Variants in PHLPP1 observed in about 807,000 individuals in gnomAD.
PHLPP1 encodes PH domain and leucine rich repeat protein phosphatase 1.
In PHLPP1, 42 loss-of-function variants were observed where a neutral mutation model predicts 117.2. The observed-to-expected ratio is 0.36, with a 90% CI of 0.28 to 0.46. The LOEUF (loss-of-function observed/expected upper bound fraction) is 0.46. Ranked by LOEUF, PHLPP1 falls within the 20% of genes least tolerant of loss-of-function variation. The probability of loss-of-function intolerance (pLI) is 1.00; values close to 1 mark genes in which losing one functional copy is unlikely to be tolerated. For missense variants in PHLPP1, 2,084 were observed against 2,241.9 expected, an observed-to-expected ratio of 0.93 and a Z score of 1.42; for synonymous variants, 1,042 against 970.7, an observed-to-expected ratio of 1.07 and a Z score of -1.37.
intron 11 of PHLPP1, among the ~76,000 whole-genome samples, chr18:62,944,065 GT>G (rs34974836): frequency 3.3e-5 from 5 of 151,294 alleles, no homozygotes; most frequent in African/African-American, 9.7e-5. Flanking sequence ...TAATACAGTG[GT>G]TTTTTTTTGT....
chr18:62,945,062 G>A (rs746755781), intron 11 of PHLPP1, 47 bp from the exon 12 acceptor site: 66 of 1,341,832 alleles, frequency 4.9e-5, no homozygotes, highest in South Asian at 3.6e-4. Context: ...TTTGATTCTC[G>A]TCCTATATTA....
At chr18:62,867,957 G>C (rs558051838) in intron 4 of PHLPP1, among the ~76,000 whole-genome samples, 4 of 151,950 alleles carry the variant, frequency 2.6e-5, no homozygotes, top group Admixed American at 6.6e-5. Flanking sequence ...GATTACAGGC[G>C]CCCACCACCA....
chr18:62,760,874 A>G (rs768187600), intron 1 of PHLPP1, among the ~76,000 whole-genome samples: 5 of 151,838 alleles, frequency 3.3e-5, no homozygotes, highest in Non-Finnish European at 5.9e-5. Context: ...GTTTTGTTTT[A>G]TTTTATTTTG....
At chr18:62,963,099 T>C (rs1910812205) in intron 13 of PHLPP1, among the ~76,000 whole-genome samples, 1 of 152,212 alleles carries the variant, frequency 6.6e-6, no homozygotes, top group Non-Finnish European at 1.5e-5. Flanking sequence ...AGAGCAGTCA[T>C]CTAAAGTGGA....
At chr18:62,905,562 T>A (rs1318797113) in intron 8 of PHLPP1, among the ~76,000 whole-genome samples, 1 of 152,186 alleles carries the variant, frequency 6.6e-6, no homozygotes, top group Non-Finnish European at 1.5e-5. Context: ...CTCTAATAAC[T>A]CTTTTCATTA....
intron 1 of PHLPP1, among the ~76,000 whole-genome samples, chr18:62,738,479 G>A (rs555801168): frequency 3.9e-5 from 6 of 152,304 alleles, no homozygotes; most frequent in Admixed American, 3.9e-4. Context: ...AAGTAATCTA[G>A]AGATAATTTA....
intron 4 of PHLPP1, among the ~76,000 whole-genome samples, chr18:62,880,314 T>G (rs1478200059): frequency 6.6e-6 from 1 of 152,218 alleles, no homozygotes; most frequent in Non-Finnish European, 1.5e-5. Context: ...TCTCACTGAC[T>G]TTTGCTTATG....
At chr18:62,836,832 C>T (rs947558152) in intron 2 of PHLPP1, among the ~76,000 whole-genome samples, 1 of 151,842 alleles carries the variant, frequency 6.6e-6, no homozygotes, top group Non-Finnish European at 1.5e-5. Context: ...GAGGCCAAGG[C>T]TGTAATCCCA....
At chr18:62,873,137 A>G (rs1321233468) in intron 4 of PHLPP1, among the ~76,000 whole-genome samples, 1 of 152,146 alleles carries the variant, frequency 6.6e-6, no homozygotes, top group Non-Finnish European at 1.5e-5. Flanking sequence ...AAGGGATGAT[A>G]GAGAGTTCTT....
At chr18:62,771,288 A>G (rs1912766791) in intron 1 of PHLPP1, among the ~76,000 whole-genome samples, 1 of 152,036 alleles carries the variant, frequency 6.6e-6, no homozygotes, top group Admixed American at 6.6e-5. Flanking sequence ...GTGGTTTGGC[A>G]TCACCATTGT....
At chr18:62,881,090 A>G (rs988218865) in intron 4 of PHLPP1, among the ~76,000 whole-genome samples, 2 of 152,184 alleles carry the variant, frequency 1.3e-5, no homozygotes, top group Admixed American at 6.5e-5. Flanking sequence ...AAGAGGAATT[A>G]AGATGAGTTT....
intron 1 of PHLPP1, among the ~76,000 whole-genome samples, chr18:62,765,955 G>T (rs893352145): frequency 4.0e-5 from 6 of 148,920 alleles, no homozygotes; most frequent in Admixed American, 3.3e-4. Context: ...CCGAGATTGC[G>T]CCACTGCACT....
chr18:62,795,296 G>A (rs1431691231), intron 1 of PHLPP1, among the ~76,000 whole-genome samples: 3 of 151,804 alleles, frequency 2.0e-5, no homozygotes, highest in East Asian at 1.9e-4. Flanking sequence ...TTGGCAACAC[G>A]GTGAAACCTC....
chr18:62,850,594 A>G (rs687821), intron 3 of PHLPP1, among the ~76,000 whole-genome samples: 64,902 of 151,972 alleles, frequency 0.43, 14,053 homozygotes, highest in African/African-American at 0.47. Context: ...GATTGTTTAT[A>G]CATATTTTGC....
At chr18:62,871,330 G>A (rs952498306) in intron 4 of PHLPP1, among the ~76,000 whole-genome samples, 1 of 151,796 alleles carries the variant, frequency 6.6e-6, no homozygotes, top group African/African-American at 2.4e-5. Context: ...TTTTGTTTTT[G>A]TTTTTGTTTT....
At chr18:62,900,433 CT>C (rs774225759) in intron 6 of PHLPP1, among the ~76,000 whole-genome samples, 15,243 of 54,108 alleles carry the variant, frequency 0.28, 4,658 homozygotes, top group Admixed American at 0.32. Flanking sequence ...CTTTTTCTTT[CT>C]TTTTTTTTTT....
chr18:62,843,259 G>C (rs960585271), intron 3 of PHLPP1, among the ~76,000 whole-genome samples: 2 of 152,096 alleles, frequency 1.3e-5, no homozygotes, highest in Non-Finnish European at 2.9e-5. Context: ...AGGAACAAAA[G>C]TTTCTGATTA....
intron 1 of PHLPP1, among the ~76,000 whole-genome samples, chr18:62,800,794 G>C (rs541638057): frequency 6.6e-6 from 1 of 151,912 alleles, no homozygotes; most frequent in East Asian, 1.9e-4. Context: ...TGGCTTCTCC[G>C]GCTACCTGCA....
intron 4 of PHLPP1, among the ~76,000 whole-genome samples, chr18:62,861,981 GA>G (rs1259180349): frequency 6.6e-6 from 1 of 152,136 alleles, no homozygotes; most frequent in Non-Finnish European, 1.5e-5. Context: ...TGGTCATTTG[GA>G]GAGTACTACT....
Sources: gnomAD v4.1 joint callset for allele counts (sites outside exome capture counted in the v4.1 genomes callset) on GRCh38, gnomAD v4.1.1 for gene constraint, MANE v1.5 for transcripts, NCBI Gene and HGNC (gene_info 2026-07-23, HGNC 2026-07-21) for gene names.